The following ARMC3 variants were observed in gnomAD, a reference collection of about 807,000 sequenced individuals.
ARMC3 encodes armadillo repeat containing 3.
ARMC3 carries 74 observed loss-of-function variants against 90.3 expected under a neutral mutation model. That is an observed-to-expected ratio of 0.82 (90% CI 0.68 to 0.99). ARMC3 has a LOEUF of 0.99. Ranked by LOEUF, ARMC3 falls within the 50% of genes least tolerant of loss-of-function variation. The probability of loss-of-function intolerance (pLI) is 0.00; values close to 1 mark genes in which losing one functional copy is unlikely to be tolerated. For missense variants in ARMC3, 958 were observed against 1,042.8 expected, an observed-to-expected ratio of 0.92 and a Z score of 1.12; for synonymous variants, 334 against 361.8, an observed-to-expected ratio of 0.92 and a Z score of 0.87.
At chr10:23,026,462 T>C (rs920319904) in intron 16 of ARMC3, among the ~76,000 whole-genome samples, 3 of 152,060 alleles carry the variant, frequency 2.0e-5, no homozygotes, top group African/African-American at 7.2e-5. Flanking sequence ...TCCATCATAT[T>C]AGCAGTATAA....
At chr10:22,973,048 C>T (rs1183121886) in intron 8 of ARMC3, among the ~76,000 whole-genome samples, 1 of 151,974 alleles carries the variant, frequency 6.6e-6, no homozygotes, top group Non-Finnish European at 1.5e-5. Flanking sequence ...AATCCTAGCA[C>T]TTTGGGAGGT....
chr10:23,031,814 C>A (rs894129854), intron 17 of ARMC3, among the ~76,000 whole-genome samples: 2 of 152,088 alleles, frequency 1.3e-5, no homozygotes, highest in Admixed American at 1.3e-4. Flanking sequence ...TGGTTCCCTG[C>A]CATTCACTAA....
At chr10:22,948,045 A>C (rs1564345105) in intron 3 of ARMC3, among the ~76,000 whole-genome samples, 1 of 152,152 alleles carries the variant, frequency 6.6e-6, no homozygotes, top group Non-Finnish European at 1.5e-5. Flanking sequence ...AGATAGGGAC[A>C]ATTTTGTTTT....
At chr10:23,014,425 A>C (rs898177927) in intron 16 of ARMC3, 15 of 1,127,874 alleles carry the variant, frequency 1.3e-5, no homozygotes, top group South Asian at 3.5e-5. Flanking sequence ...TTCTTGTCTT[A>C]TGACTATTAA....
chr10:23,037,764 G>C lies in ARMC3; in HGVS notation c.*285G>C, dbSNP rs906850784. ...TCCAGCCCACTGTGTCCTGAGGAGCGTCTCTGTCATTTAGGAATCACATGT... is the reference window on the plus strand; with the variant it reads ...TCCAGCCCACTGTGTCCTGAGGAGCCTCTCTGTCATTTAGGAATCACATGT... On this transcript the variant is annotated 3_prime_UTR_variant, in exon 19 of 19. Transcript: ENST00000298032. 1.1e-5 allele frequency: 3 copies of C among 274,506 alleles called. No homozygotes were observed. The highest frequency in any genetic ancestry group is 1.4e-5 in the Non-Finnish European group (2 of 145,386). 17.0% of individuals were successfully genotyped at this position (274,506 alleles called of 1,614,324 possible).
In ARMC3 at chr10:22,981,265, T is replaced by A. The variant is rs116745357; in HGVS notation, c.917-75T>A. 913 of 1,343,502 alleles carry A rather than the reference T, an allele frequency of 6.8e-4. 5 individuals carry two copies. The African/African-American group carries it at 0.012, about 18-fold the overall frequency. The allele number at this position is 1,343,502 out of a possible 1,614,324, so 83.2% of individuals were successfully genotyped here. On this transcript the variant is annotated intron_variant, in intron 8 of 18. Coordinates refer to ENST00000298032, the MANE Select transcript of ARMC3 (RefSeq NM_173081.5). ...AAATTGTTTGAATTCCTATTAGACT[T>A]TGGATGGGAAAGTAGTAATACTTCG...
At chr10:22,988,657 G>A (rs1836568495) in intron 10 of ARMC3, among the ~76,000 whole-genome samples, 1 of 152,160 alleles carries the variant, frequency 6.6e-6, no homozygotes, top group Non-Finnish European at 1.5e-5. Context: ...ATCTCTTAAA[G>A]TTAGCAAAAT....
At chr10:22,936,981 G>C (rs554658343) in intron 2 of ARMC3, among the ~76,000 whole-genome samples, 12 of 152,118 alleles carry the variant, frequency 7.9e-5, no homozygotes, top group Middle Eastern at 3.4e-3. Context: ...ATGGCTCACT[G>C]CAGCCTCCAC....
chr10:22,996,886 C>A (rs960477273), intron 10 of ARMC3, among the ~76,000 whole-genome samples: 1 of 151,626 alleles, frequency 6.6e-6, no homozygotes, highest in Admixed American at 6.6e-5. Flanking sequence ...TAATTCATCA[C>A]CATACAGGAT....
At chr10:22,980,474 T>C (rs978073728) in intron 8 of ARMC3, among the ~76,000 whole-genome samples, 3 of 151,994 alleles carry the variant, frequency 2.0e-5, no homozygotes, top group Non-Finnish European at 4.4e-5. Context: ...GAACATACTT[T>C]AATAAAGAGG....
chr10:22,939,279 A>G (rs1834228531), intron 2 of ARMC3, among the ~76,000 whole-genome samples: 1 of 152,190 alleles, frequency 6.6e-6, no homozygotes, highest in South Asian at 2.1e-4. Flanking sequence ...ACATACAGCA[A>G]TAGCTCCAGA....
rs545652591 is a variant in ARMC3 at position 22,951,172 on chromosome 10, C to T, written c.167-4635C>T. ...CAGGATGGTCTCAATCTCCTGACCTCGTGATCCACCTGTCTCGGCCTCCCA... is the reference window on the plus strand; with the variant it reads ...CAGGATGGTCTCAATCTCCTGACCTTGTGATCCACCTGTCTCGGCCTCCCA... On this transcript the variant is annotated intron_variant, in intron 3 of 18. Coordinates refer to ENST00000298032, the MANE Select transcript of ARMC3 (RefSeq NM_173081.5). Among the ~76,000 whole-genome samples the T allele has an allele frequency of 3.7e-4, 56 of 152,234 alleles. 1 individual carries two copies. The highest frequency in any genetic ancestry group is 1.2e-3 in the Admixed American group (18 of 15,282).
rs116229776 is a variant in ARMC3, at chr10:23,004,419, G to A, written c.1731+1005G>A. On this transcript the variant is annotated intron_variant, in intron 13 of 18. Transcript: ENST00000298032. ...GCCAAGATCAGGCAGAAGCTGTGCA[G>A]GAAGAAAAAGGAAAAGGAAAAAAAA... 8.2e-3 allele frequency among the ~76,000 whole-genome samples: 1,240 copies of A among 152,040 alleles called. 21 individuals carry two copies. The highest frequency in any genetic ancestry group is 0.028 in the African/African-American group (1,174 of 41,444).
At chr10:23,014,071 T>C in intron 16 of ARMC3, 1 of 1,548,896 alleles carries the variant, frequency 6.5e-7, no homozygotes, top group Non-Finnish European at 8.7e-7. Flanking sequence ...CTGTCTTCAC[T>C]CTCCCTCTTC....
chr10:22,931,507 G>C (rs574442736), intron 1 of ARMC3, among the ~76,000 whole-genome samples: 23 of 152,232 alleles, frequency 1.5e-4, no homozygotes, highest in African/African-American at 4.6e-4. Context: ...ATTACTCCTA[G>C]GAAAAATGGA....
At chr10:23,005,849 G>T (rs1380526083) in intron 13 of ARMC3, among the ~76,000 whole-genome samples, 1 of 151,880 alleles carries the variant, frequency 6.6e-6, no homozygotes, top group Non-Finnish European at 1.5e-5. Flanking sequence ...GGGCAACAGA[G>T]CTAGACTCCA....
chr10:23,035,517 C>G (rs887827145), intron 18 of ARMC3, among the ~76,000 whole-genome samples: 2 of 152,082 alleles, frequency 1.3e-5, no homozygotes, highest in Admixed American at 1.3e-4. Context: ...TCCTTCCCCT[C>G]CTCCTATATC....
At chr10:22,997,523 T>A (rs1460807649) in intron 10 of ARMC3, among the ~76,000 whole-genome samples, 1 of 152,224 alleles carries the variant, frequency 6.6e-6, no homozygotes, top group Non-Finnish European at 1.5e-5. Flanking sequence ...ATGACTTTGA[T>A]CTTTAATGTT....
rs1834391792 is a variant in ARMC3 at position 22,943,281 on chromosome 10, T to C, written c.49-2863T>C. On this transcript the variant is annotated intron_variant, in intron 2 of 18. Transcript: ENST00000298032. ...ATTGACTTATTTGATTTTATTCCTATCATTTTATTTGAAGTTGTGGTTTTT... is the reference window on the plus strand; with the variant it reads ...ATTGACTTATTTGATTTTATTCCTACCATTTTATTTGAAGTTGTGGTTTTT... Among the ~76,000 whole-genome samples the C allele has an allele frequency of 1.3e-5, 2 of 152,230 alleles. 1 individual carries two copies. Among genetic ancestry groups the C allele is most frequent in the Admixed American group, 1.3e-4 (2 of 15,280 alleles).
Sources: gnomAD v4.1 joint callset for allele counts (sites outside exome capture counted in the v4.1 genomes callset) on GRCh38, gnomAD v4.1.1 for gene constraint, MANE v1.5 for transcripts, NCBI Gene and HGNC (gene_info 2026-07-23, HGNC 2026-07-21) for gene names.